The following MTMR7 variants were observed in gnomAD, a reference collection of about 807,000 sequenced individuals.
The protein encoded by MTMR7 is myotubularin related protein 7.
In MTMR7, 76 loss-of-function variants were observed where a neutral mutation model predicts 81.2. That is an observed-to-expected ratio of 0.94 (90% CI 0.78 to 1.13). MTMR7 has a LOEUF of 1.13. Among genes scored for constraint, MTMR7 ranks in the 50% most tolerant of loss-of-function variants. The pLI is 0.00. For missense variants in MTMR7, 1,044 were observed against 820.0 expected (o/e 1.27, Z -3.34); for synonymous variants, 372 against 289.8 (o/e 1.28, Z -2.88).
chr8:17,362,968 G>T (rs946077904), intron 3 of MTMR7, among the ~76,000 whole-genome samples: 2 of 152,178 alleles, frequency 1.3e-5, no homozygotes, highest in African/African-American at 4.8e-5. Flanking sequence ...AGAAGCAACT[G>T]CTGTATGTCA....
At chr8:17,400,773 T>C (rs1156786591) in intron 1 of MTMR7, among the ~76,000 whole-genome samples, 1 of 151,976 alleles carries the variant, frequency 6.6e-6, no homozygotes, top group Non-Finnish European at 1.5e-5. Flanking sequence ...TAAGATAAGT[T>C]TGCTGGAATG....
At chr8:17,379,245 G>T (rs1227181714) in intron 1 of MTMR7, among the ~76,000 whole-genome samples, 1 of 152,162 alleles carries the variant, frequency 6.6e-6, no homozygotes, top group Non-Finnish European at 1.5e-5. Context: ...ACCCATGAAA[G>T]AGCAGCTTGA....
At chr8:17,405,762 T>TTTTCAGAAGTGA (rs1821560243) in intron 1 of MTMR7, among the ~76,000 whole-genome samples, 1 of 151,676 alleles carries the variant, frequency 6.6e-6, no homozygotes, top group Non-Finnish European at 1.5e-5. Flanking sequence ...AAAAAATCAC[T>TTTTCAGAAGTGA]TTTCAGAAGG....
At chr8:17,329,064 A>G (rs1818851571) in intron 7 of MTMR7, among the ~76,000 whole-genome samples, 1 of 152,252 alleles carries the variant, frequency 6.6e-6, no homozygotes, top group Non-Finnish European at 1.5e-5. Context: ...TCTGTTATTC[A>G]GAATCTATTC....
At chr8:17,327,080 T>G (rs1196700374) in intron 7 of MTMR7, among the ~76,000 whole-genome samples, 1 of 152,212 alleles carries the variant, frequency 6.6e-6, no homozygotes, top group Non-Finnish European at 1.5e-5. Flanking sequence ...ACCTGAATTT[T>G]TTGCTTACAT....
At chr8:17,352,923 T>A (rs1819771486) in intron 4 of MTMR7, among the ~76,000 whole-genome samples, 1 of 152,210 alleles carries the variant, frequency 6.6e-6, no homozygotes, top group Admixed American at 6.5e-5. Context: ...AATTCCTACA[T>A]GATCCAGCAA....
intron 1 of MTMR7, among the ~76,000 whole-genome samples, chr8:17,380,573 A>C (rs1585108361): frequency 5.2e-4 from 1 of 1,928 alleles, no homozygotes; most frequent in South Asian, 0.029. Flanking sequence ...TGATGAGCTT[A>C]AAAAAAAAAA....
At chr8:17,411,200 G>A (rs571652384) in intron 1 of MTMR7, among the ~76,000 whole-genome samples, 1 of 152,234 alleles carries the variant, frequency 6.6e-6, no homozygotes, top group East Asian at 1.9e-4. Flanking sequence ...ATTGTTTTCA[G>A]TTTCTTTAGG....
rs995709401 is a variant in MTMR7, at chr8:17,347,311, A to G, written c.597+1642T>C. 7.9e-5 allele frequency among the ~76,000 whole-genome samples: 12 copies of G among 152,202 alleles called. No homozygotes were observed. In the South Asian group the frequency reaches 8.3e-4, roughly 11 times the overall value. On this transcript the variant is annotated intron_variant, in intron 5 of 13. Coordinates refer to ENST00000180173, the MANE Select transcript of MTMR7 (RefSeq NM_004686.5). ...CTTTAGACCCTAATTCAAGGCTAGG[A>G]AAAGAAGAAGAGCAATGAGTATAAC... is the stretch of plus-strand genomic sequence containing the variant.
At chr8:17,301,962 G>GA in intron 13 of MTMR7, 192 bp downstream of exon 13, 1 of 615,096 alleles carries the variant, frequency 1.6e-6, no homozygotes, top group Non-Finnish European at 2.6e-6. Flanking sequence ...CCAGATGTGT[G>GA]AAATGCATTA....
chr8:17,358,531 C>T (rs185443267), intron 4 of MTMR7, among the ~76,000 whole-genome samples: 21 of 152,100 alleles, frequency 1.4e-4, no homozygotes, highest in Admixed American at 3.9e-4. Context: ...TAGATAAATG[C>T]GAAATTTCAC....
chr8:17,334,102 T>G (rs188723309), intron 6 of MTMR7, among the ~76,000 whole-genome samples: 1 of 152,124 alleles, frequency 6.6e-6, no homozygotes, highest in Non-Finnish European at 1.5e-5. Context: ...GCAACACAAA[T>G]AACCTCCTGA....
At chr8:17,301,385 G>T (rs750785658) in intron 13 of MTMR7, among the ~76,000 whole-genome samples, 1 of 152,198 alleles carries the variant, frequency 6.6e-6, no homozygotes, top group Non-Finnish European at 1.5e-5. Context: ...GGACATTCTG[G>T]TGATAGCTAG....
At chr8:17,364,344 T>G (rs1820156373) in intron 3 of MTMR7, among the ~76,000 whole-genome samples, 1 of 152,168 alleles carries the variant, frequency 6.6e-6, no homozygotes, top group African/African-American at 2.4e-5. Context: ...AAAAGTGATG[T>G]TATGATTTTT....
chr8:17,376,972 T>C (rs2150569305), intron 1 of MTMR7, among the ~76,000 whole-genome samples: 1 of 152,248 alleles, frequency 6.6e-6, no homozygotes, highest in South Asian at 2.1e-4. Context: ...AAATCACGAC[T>C]ACGTAATTCA....
chr8:17,348,569 C>A (rs1250020972), intron 5 of MTMR7, among the ~76,000 whole-genome samples: 1 of 100,788 alleles, frequency 9.9e-6, no homozygotes, highest in African/African-American at 4.3e-5. Flanking sequence ...AAAAAAAAAA[C>A]GTAATAGAGA....
chr8:17,384,739 G>A (rs934524091), intron 1 of MTMR7, among the ~76,000 whole-genome samples: 1 of 152,150 alleles, frequency 6.6e-6, no homozygotes, highest in Non-Finnish European at 1.5e-5. Context: ...TGAAACAAAA[G>A]GTGGCAACCA....
intron 1 of MTMR7, among the ~76,000 whole-genome samples, chr8:17,397,998 C>T (rs1188277272): frequency 6.6e-6 from 1 of 152,182 alleles, no homozygotes; most frequent in Non-Finnish European, 1.5e-5. Flanking sequence ...GTCTGCAAAA[C>T]ATGGGGTTTC....
rs1821148107 is a variant in MTMR7, at chr8:17,392,898, A to G, written c.25-19658T>C. ...AAACTTGTGGCCACATCCTTTTGCA[A>G]TGAGGATGATTATAAAAATAACTTG... On this transcript the variant is annotated intron_variant, in intron 1 of 13. Coordinates refer to ENST00000180173, the MANE Select transcript of MTMR7 (RefSeq NM_004686.5). 2.6e-5 allele frequency among the ~76,000 whole-genome samples: 4 copies of G among 152,338 alleles called. No individual in the cohort carries two copies. In the South Asian group the frequency reaches 8.3e-4, roughly 32 times the overall value.
Sources: allele counts gnomAD v4.1 joint callset (sites outside exome capture counted in the v4.1 genomes callset), GRCh38; gene constraint gnomAD v4.1.1; transcripts MANE v1.5; gene names NCBI Gene and HGNC (gene_info 2026-07-23, HGNC 2026-07-21).